The following DOCK6 variants were observed in gnomAD, a reference collection of about 807,000 sequenced individuals.
The protein encoded by DOCK6 is dedicator of cytokinesis protein 6.
Under a neutral mutation model 230.3 loss-of-function variants are expected in DOCK6, and 167 were observed. The observed-to-expected ratio is 0.73, with a 90% CI of 0.64 to 0.82. The LOEUF (loss-of-function observed/expected upper bound fraction) is 0.82. DOCK6 is among the 40% of genes least tolerant of loss of function. The pLI is 0.00. For synonymous variants in DOCK6, 1,148 were observed against 1,185.0 expected, an observed-to-expected ratio of 0.97 and a Z score of 0.64; for missense variants, 2,598 against 2,825.8, an observed-to-expected ratio of 0.92 and a Z score of 1.83.
chr19:11,219,026 G>A (rs924929559), intron 28 of DOCK6, among the ~76,000 whole-genome samples: 1 of 150,256 alleles, frequency 6.7e-6, no homozygotes, highest in Non-Finnish European at 1.5e-5. Flanking sequence ...CTGCAGGTGC[G>A]TGCCACCATG....
At chr19:11,246,293 A>T (rs1268463329) in intron 7 of DOCK6, among the ~76,000 whole-genome samples, 2 of 151,946 alleles carry the variant, frequency 1.3e-5, no homozygotes, top group African/African-American at 2.4e-5. Context: ...TTATATAGAG[A>T]CGGGGTCTCG....
rs199570552 is a variant in DOCK6, at chr19:11,238,076, C to T, written c.1801G>A (p.Glu601Lys). ...TGGTAGACCACCGGTGTGAAGGCCT[C>T]GCGGGTAAATTCACTGCAGCTGGAC... ...GKSSCSEFTREAFTPVVYHNK... is the reference protein window; with the variant it reads ...GKSSCSEFTRKAFTPVVYHNK... The change falls in exon 16 of 48, where the codon GAG (glutamate) becomes AAG (lysine). Residue 601 changes from glutamate (E) to lysine (K), a missense_variant. Transcript: ENST00000294618. 28 of 1,613,820 alleles carry T rather than the reference C, an allele frequency of 1.7e-5. No homozygotes were observed. Among genetic ancestry groups the T allele is most frequent in the African/African-American group, 5.3e-5 (4 of 74,890 alleles).
chr19:11,247,283 G>A (rs1386462471), intron 7 of DOCK6: 2 of 151,038 alleles, frequency 1.3e-5, no homozygotes, highest in Admixed American at 1.3e-4. Context: ...CAGTAGAGAT[G>A]GTGTTTTGCC....
chr19:11,233,098 T>C (rs2147817735), intron 22 of DOCK6, 105 bp downstream of exon 22: 1 of 1,438,250 alleles, frequency 7.0e-7, no homozygotes, highest in Non-Finnish European at 9.4e-7. Flanking sequence ...TTCATTCACG[T>C]TGTCGTCTCT....
chr19:11,244,966 T>TC (rs1303524197), intron 9 of DOCK6, among the ~76,000 whole-genome samples: 1 of 152,070 alleles, frequency 6.6e-6, no homozygotes, highest in Non-Finnish European at 1.5e-5. Flanking sequence ...AGGCCTAGAC[T>TC]CCAATCCTGA....
At chr19:11,261,850 C>CT (rs1241575862) in intron 1 of DOCK6, among the ~76,000 whole-genome samples, 1 of 152,098 alleles carries the variant, frequency 6.6e-6, no homozygotes, top group Admixed American at 6.5e-5. Context: ...CTTCCCCCCC[C>CT]CCGACAGCTG....
chr19:11,237,747 T>G lies in DOCK6; in HGVS notation c.1865A>C (p.His622Pro). The G allele has an allele frequency of 3.8e-6, 6 of 1,576,444 alleles. No individual in the cohort carries two copies. The highest frequency in any genetic ancestry group is 5.2e-6 in the Non-Finnish European group (6 of 1,161,658). The stretch of plus-strand genomic sequence containing the variant: ...GTTCTCTGTCACGCAGGCTGGAAGA[T>G]GCAGCTTGAACTCCTCGTAGAACTC... ...SPEFYEEFKL[H>P]LPACVTENHH... The change falls in exon 17 of 48, where the codon CAT (histidine) becomes CCT (proline). Residue 622 changes from histidine to proline, a missense_variant. Coordinates refer to ENST00000294618, the MANE Select transcript of DOCK6 (RefSeq NM_020812.4).
intron 22 of DOCK6, chr19:11,232,408 A>G (rs2079779686): frequency 1.4e-6 from 1 of 712,118 alleles, no homozygotes; most frequent in African/African-American, 1.9e-5. Flanking sequence ...CCTACACACA[A>G]TCCTGAAAAA....
At position 11,238,132 on chromosome 19, in the gene DOCK6, A is replaced by G; in HGVS notation, c.1762-17T>C. On this transcript the variant is annotated splice_polypyrimidine_tract_variant and intron_variant, in intron 15 of 47. Coordinates refer to ENST00000294618, the MANE Select transcript of DOCK6 (RefSeq NM_020812.4). ...AAAGATGACCTGGGAGAGTGGATTC[A>G]TGAGGGACCCATGGGGGATGCCCTA... 1 of 1,613,918 alleles carries G rather than the reference A, an allele frequency of 6.2e-7. No homozygotes were observed. The highest frequency in any genetic ancestry group is 8.5e-7 in the Non-Finnish European group (1 of 1,179,860).
rs201292016 is a variant in DOCK6, at chr19:11,200,951, T to C, written c.5790A>G (p.Leu1930=). 1.2e-5 allele frequency: 19 copies of C among 1,613,852 alleles called. No homozygotes were observed. The African/African-American group carries it at 2.3e-4, about 19-fold the overall frequency. ...TEQDPPDAKM[L]QMVLQGSVGP... The stretch of plus-strand genomic sequence containing the variant: ...CTACAGAGCCCTGAAGCACCATCTG[T>C]AGCATCTTAGCATCTGGTGGGTCCT... The change falls in exon 45 of 48, where the codon CTA becomes CTG. Residue 1930 remains leucine (L), a synonymous_variant. Transcript: ENST00000294618. The surrounding 1 kb of genome is among the most constrained non-coding windows in gnomAD (Gnocchi z 4.3).
rs1368659228 is a variant in DOCK6, at chr19:11,243,381, G to A, written c.1263C>T (p.Arg421=). The part of the protein sequence containing the change: ...LDRDSDSEGE[R]RPAWTDRRRR... ...GGCGGCGGTCTGTCCAGGCTGGCCGGCGCTCTAGGGGAGGGAATGACAATG... is the reference window on the plus strand; with the variant it reads ...GGCGGCGGTCTGTCCAGGCTGGCCGACGCTCTAGGGGAGGGAATGACAATG... Residue 421 remains arginine, a synonymous_variant, in exon 12 of 48, where the codon CGC becomes CGT. Transcript: ENST00000294618. The surrounding 1 kb of genome is among the most constrained non-coding windows in gnomAD (Gnocchi z 6.3). The A allele has an allele frequency of 6.2e-7, 1 of 1,601,892 alleles. No homozygotes were observed. Among genetic ancestry groups the A allele is most frequent in the South Asian group, 1.1e-5 (1 of 89,098 alleles).
At chr19:11,258,595 G>C (rs1397423841) in intron 1 of DOCK6, among the ~76,000 whole-genome samples, 1 of 151,156 alleles carries the variant, frequency 6.6e-6, no homozygotes, top group East Asian at 1.9e-4. Context: ...ACCATGCCCA[G>C]CTAATTTTTG....
chr19:11,227,203 TG>T, intron 24 of DOCK6, 133 bp downstream of exon 24: 1 of 1,231,150 alleles, frequency 8.1e-7, no homozygotes, highest in East Asian at 2.5e-5. Context: ...AGACAATGAA[TG>T]AACGGATCCA....
Position 11,212,150 on chromosome 19 carries a change from T to A in DOCK6, c.4493A>T (p.Asn1498Ile). ...GACCTGCATCTTCACACGGGCAAAG[T>A]TCTGCAGGGACAGGGGCGGGAGGGT... Reference protein sequence around the residue: ...LMRQNFEIGHNFARVKMQVTM... With the variant: ...LMRQNFEIGHIFARVKMQVTM... The change falls in exon 36 of 48, where the codon AAC becomes ATC. Residue 1498 changes from asparagine to isoleucine, a missense_variant and splice_region_variant. Coordinates refer to ENST00000294618, the MANE Select transcript of DOCK6 (RefSeq NM_020812.4). 6.2e-7 allele frequency: 1 copy of A among 1,608,498 alleles called. No individual in the cohort carries two copies. Among genetic ancestry groups the A allele is most frequent in the Non-Finnish European group, 8.5e-7 (1 of 1,179,530 alleles).
At chr19:11,226,717 T>G (rs1331424466) in intron 24 of DOCK6, among the ~76,000 whole-genome samples, 1 of 152,212 alleles carries the variant, frequency 6.6e-6, no homozygotes, top group Non-Finnish European at 1.5e-5. Flanking sequence ...AGATATACAG[T>G]AAGTGCTCAA....
intron 32 of DOCK6, 112 bp downstream of exon 32, chr19:11,215,271 TAGAG>T: frequency 1.1e-6 from 1 of 890,020 alleles, no homozygotes; most frequent in Non-Finnish European, 1.7e-6. Context: ...AAATTTTTGG[TAGAG>T]AGGGTCTTAC....
At chr19:11,221,465 T>C in intron 28 of DOCK6, 1 of 194,002 alleles carries the variant, frequency 5.2e-6, no homozygotes, top group Non-Finnish European at 1.1e-5. Context: ...TGCCTATAAA[T>C]GTTTGTTGAA....
Position 11,214,328 on chromosome 19 carries a change from T to G in DOCK6, c.4285A>C (p.Ser1429Arg), listed in dbSNP as rs2079442808. The G allele has an allele frequency of 6.2e-7, 1 of 1,613,692 alleles. No individual in the cohort carries two copies. ...VVLYSLGSAQ[S>R]ALFLQHGLAT... Reference sequence around the variant, plus strand: ...AGGCCATGCTGCAAGAAGAGGGCACTCTGGGCACTGCCCAGGCTGTACAGC... The same window carrying G: ...AGGCCATGCTGCAAGAAGAGGGCACGCTGGGCACTGCCCAGGCTGTACAGC... The change falls in exon 34 of 48, where the codon AGT becomes CGT. Residue 1429 changes from serine (S) to arginine (R), a missense_variant. By Grantham distance (110) the Ser-to-Arg change is moderately radical. Transcript: ENST00000294618.
chr19:11,221,672 G>A, intron 28 of DOCK6, 179 bp downstream of exon 28: 1 of 852,404 alleles, frequency 1.2e-6, no homozygotes, highest in Non-Finnish European at 1.8e-6. Flanking sequence ...TTACAGGGGA[G>A]AAACCTGAGG....
Sources: gnomAD v4.1 joint callset for allele counts (sites outside exome capture counted in the v4.1 genomes callset) on GRCh38, gnomAD v4.1.1 for gene constraint, Gnocchi (gnomAD v3.1) non-coding constraint, MANE v1.5 for transcripts, NCBI Gene and HGNC (gene_info 2026-07-23, HGNC 2026-07-21) for gene names.